The following FHDC1 variants were observed in gnomAD, a reference collection of about 807,000 sequenced individuals.
FHDC1 encodes the protein FH2 domain containing 1.
FHDC1 carries 25 observed loss-of-function variants against 52.6 expected under a neutral mutation model. That is an observed-to-expected ratio of 0.48 (90% CI 0.35 to 0.66). The LOEUF (loss-of-function observed/expected upper bound fraction) is 0.66, where lower values mean the gene tolerates loss of function less well. Ranked by LOEUF, FHDC1 falls within the 30% of genes least tolerant of loss-of-function variation. FHDC1 has a pLI of 0.01. For synonymous variants in FHDC1, 616 were observed against 581.5 expected, an observed-to-expected ratio of 1.06 and a Z score of -0.85; for missense variants, 1,459 against 1,452.8, an observed-to-expected ratio of 1.00 and a Z score of -0.07.
At chr4:152,944,336 G>GAA (rs5863026) in intron 2 of FHDC1, among the ~76,000 whole-genome samples, 25 of 151,744 alleles carry the variant, frequency 1.6e-4, no homozygotes, top group Non-Finnish European at 2.9e-4. Flanking sequence ...CTACCTGCTA[G>GAA]AAAAAATAAA....
rs369048099 is a variant in FHDC1 at position 152,960,541 on chromosome 4, C to T, written c.664-24C>T. 8 of 1,575,386 alleles carry T rather than the reference C, an allele frequency of 5.1e-6. No homozygotes were observed. The African/African-American group carries it at 9.5e-5, about 19-fold the overall frequency. The stretch of plus-strand genomic sequence containing the variant: ...TGTATTCGTAAGTGATTTTATATAC[C>T]CCCCCTTTCCATTTGTCTTTTAGGT... On this transcript the variant is annotated intron_variant, in intron 4 of 11. Coordinates refer to ENST00000511601, the MANE Select transcript of FHDC1 (RefSeq NM_001371116.1).
the FHDC1 span, chr4:152,918,563 C>G: frequency 1.3e-5 from 2 of 152,210 alleles, no homozygotes; most frequent in African/African-American, 4.8e-5. Flanking sequence ...GGATCAAAGC[C>G]ACATGCTTCA....
At chr4:152,966,826 T>A (rs1740471510) in intron 9 of FHDC1, among the ~76,000 whole-genome samples, 1 of 152,174 alleles carries the variant, frequency 6.6e-6, no homozygotes, top group Admixed American at 6.5e-5. Flanking sequence ...AACTGTTAAT[T>A]TGCAGAATTA....
At chr4:152,971,494 G>A (rs1305356314) in intron 10 of FHDC1, among the ~76,000 whole-genome samples, 1 of 152,214 alleles carries the variant, frequency 6.6e-6, no homozygotes, top group South Asian at 2.1e-4. Context: ...GGGGAAGTGT[G>A]TGTGACCCTT....
At chr4:152,937,354 C>T (rs919030911) in intron 1 of FHDC1, among the ~76,000 whole-genome samples, 1 of 152,116 alleles carries the variant, frequency 6.6e-6, no homozygotes, top group Non-Finnish European at 1.5e-5. Context: ...CACACGGACA[C>T]CTCCCCTAGT....
At position 152,976,342 on chromosome 4, in the gene FHDC1, C is replaced by G. The variant is rs540554040; in HGVS notation, c.3051C>G (p.Pro1017=). ...GCCCTGAGAGTCCCAAAGAAGAGCC[C>G]AAGACCCCGTCAGTGCCCAGCGTCC... ...SEGPESPKEE[P]KTPSVPSVPH... The change falls in exon 12 of 12, where the codon CCC becomes CCG. Residue 1017 remains proline, a synonymous_variant. Transcript: ENST00000511601. 6.2e-7 allele frequency: 1 copy of G among 1,613,756 alleles called. No individual in the cohort carries two copies. The highest frequency in any genetic ancestry group is 1.7e-5 in the Admixed American group (1 of 60,032).
chr4:152,920,220 T>C, the FHDC1 span, among the ~76,000 whole-genome samples: 1 of 152,118 alleles, frequency 6.6e-6, no homozygotes, highest in Non-Finnish European at 1.5e-5. Context: ...GTGCTGGGAT[T>C]ACATGCGTGA....
At position 152,960,664 on chromosome 4, in the gene FHDC1, C is replaced by T. The variant is rs200988003; in HGVS notation, c.749+14C>T. The T allele has an allele frequency of 9.9e-6, 16 of 1,613,604 alleles. No homozygotes were observed. The highest frequency in any genetic ancestry group is 2.2e-5 in the East Asian group (1 of 44,860). ...TCAGGTGCCAAAGTAAGGATACAGT[C>T]GCTGGTTATTATTCTTCACGCAGTA... On this transcript the variant is annotated intron_variant, in intron 5 of 11. Coordinates refer to ENST00000511601, the MANE Select transcript of FHDC1 (RefSeq NM_001371116.1).
chr4:152,974,527 C>A, intron 11 of FHDC1, 148 bp from the exon 12 acceptor site: 2 of 1,232,432 alleles, frequency 1.6e-6, no homozygotes, highest in Non-Finnish European at 2.1e-6. Flanking sequence ...TGCATGTGCA[C>A]ACACACAGCC....
At chr4:152,960,932 A>G in intron 6 of FHDC1, 88 bp downstream of exon 6, 1 of 921,744 alleles carries the variant, frequency 1.1e-6, no homozygotes, top group South Asian at 1.9e-5. Flanking sequence ...TTGGACATGG[A>G]AAGTCCTGAA....
At chr4:152,919,263 C>A in the FHDC1 span, among the ~76,000 whole-genome samples, 3 of 152,198 alleles carry the variant, frequency 2.0e-5, no homozygotes, top group Non-Finnish European at 4.4e-5. Flanking sequence ...ACAGGCTTGC[C>A]CTTAAACTTT....
Position 152,963,215 on chromosome 4 carries a change from C to G in FHDC1, c.1029+85C>G, listed in dbSNP as rs551020048. 8.0e-5 allele frequency: 97 copies of G among 1,206,282 alleles called. No individual in the cohort carries two copies. In the African/African-American group the frequency reaches 1.3e-3, roughly 16 times the overall value. The allele number at this position is 1,206,282 out of a possible 1,614,324, so 74.7% of individuals were successfully genotyped here. On this transcript the variant is annotated intron_variant, in intron 8 of 11. Transcript: ENST00000511601. ...GTTTTTCCCAGGCATAAGATGGTGT[C>G]CAGCAGGGTTAGGAAAGGGCATGGC...
chr4:152,928,154 A>C, the FHDC1 span: 5 of 833,652 alleles, frequency 6.0e-6, no homozygotes, highest in South Asian at 6.6e-5. Context: ...CATCAATGCC[A>C]CCGGAAAGAT....
the FHDC1 span, among the ~76,000 whole-genome samples, chr4:152,916,571 AAC>A: frequency 3.3e-5 from 2 of 60,188 alleles, no homozygotes; most frequent in Non-Finnish European, 9.1e-5. Flanking sequence ...TTTTCATAAT[AAC>A]ATTAAAAAAA....
At chr4:152,932,923 A>T (rs550907974), upstream of FHDC1, among the ~76,000 whole-genome samples, 17 of 152,380 alleles carry the variant, frequency 1.1e-4, no homozygotes, top group South Asian at 2.7e-3. Context: ...AAGCCATAAG[A>T]ATCAAAATAA....
At chr4:152,930,997 ACT>A in the FHDC1 span, among the ~76,000 whole-genome samples, 3,632 of 112,902 alleles carry the variant, frequency 0.032, 69 homozygotes, top group Admixed American at 0.078. Context: ...ACACACACAC[ACT>A]CTCTCTCTCT....
intron 1 of FHDC1, among the ~76,000 whole-genome samples, chr4:152,940,614 C>T (rs1739549159): frequency 6.6e-6 from 1 of 152,134 alleles, no homozygotes. Context: ...GCGCATCTGT[C>T]CATATACAGC....
Position 152,975,793 on chromosome 4 carries a change from C to A in FHDC1, c.2502C>A (p.Ala834=). ...CCAGCCCCCCTGGGGAGGCTCCTGCCCCCGTCTCTGTGGATAGTGAGCCCA... is the reference window on the plus strand; with the variant it reads ...CCAGCCCCCCTGGGGAGGCTCCTGCACCCGTCTCTGTGGATAGTGAGCCCA... ...PTSSPPGEAP[A]PVSVDSEPSC... Residue 834 remains alanine (A), a synonymous_variant, in exon 12 of 12, where the codon GCC becomes GCA. Coordinates refer to ENST00000511601, the MANE Select transcript of FHDC1 (RefSeq NM_001371116.1). 6.5e-7 allele frequency: 1 copy of A among 1,538,488 alleles called. No homozygotes were observed. Among genetic ancestry groups the A allele is most frequent in the South Asian group, 1.3e-5 (1 of 78,578 alleles).
At chr4:152,929,870 T>C in the FHDC1 span, among the ~76,000 whole-genome samples, 1 of 152,208 alleles carries the variant, frequency 6.6e-6, no homozygotes, top group African/African-American at 2.4e-5. The surrounding 1 kb of genome is among the most constrained non-coding windows in gnomAD (Gnocchi z 4.1). Context: ...GAAATGAAGA[T>C]GTGTGGACAT....
Sources: gnomAD v4.1 joint callset for allele counts (sites outside exome capture counted in the v4.1 genomes callset) on GRCh38, gnomAD v4.1.1 for gene constraint, Gnocchi (gnomAD v3.1) non-coding constraint, MANE v1.5 for transcripts, NCBI Gene and HGNC (gene_info 2026-07-23, HGNC 2026-07-21) for gene names.